Variants in SRP54 observed in about 807,000 individuals in gnomAD.
SRP54 encodes the protein signal recognition particle subunit SRP54.
SRP54 carries 10 observed loss-of-function variants against 64.8 expected under a neutral mutation model. That is an observed-to-expected ratio of 0.15 (90% CI 0.10 to 0.26). SRP54 has a LOEUF of 0.26. SRP54 is among the 10% of genes least tolerant of loss of function. SRP54 has a pLI of 1.00. For missense variants in SRP54, 325 were observed against 613.7 expected, an observed-to-expected ratio of 0.53 and a Z score of 4.97; for synonymous variants, 193 against 185.6, an observed-to-expected ratio of 1.04 and a Z score of -0.32.
intron 2 of SRP54, among the ~76,000 whole-genome samples, chr14:34,998,621 G>T (rs1166104518): frequency 6.6e-6 from 1 of 151,974 alleles, no homozygotes; most frequent in Admixed American, 6.6e-5. Flanking sequence ...AGACCAGCCT[G>T]GCCAACATAG....
At chr14:35,013,755 T>C in intron 9 of SRP54, 47 bp from the exon 10 acceptor site, 6 of 1,504,724 alleles carry the variant, frequency 4.0e-6, no homozygotes, top group Non-Finnish European at 5.5e-6. Context: ...TGCTGGAAAT[T>C]TGTGGGGTTC....
chr14:34,995,252 G>A lies in SRP54; in HGVS notation c.-33-1425G>A, dbSNP rs577344102. Reference sequence around the variant, plus strand: ...TTATTATAAGGAATTGGCTCAGGCCGTTATGGAGACTTAAGTTTCAAGATC... The same window carrying A: ...TTATTATAAGGAATTGGCTCAGGCCATTATGGAGACTTAAGTTTCAAGATC... On this transcript the variant is annotated intron_variant, in intron 1 of 15. Transcript: ENST00000216774. Among the ~76,000 whole-genome samples, 10 of 151,192 alleles carry A rather than the reference G, an allele frequency of 6.6e-5. No individual in the cohort carries two copies. In the East Asian group the frequency reaches 1.2e-3, roughly 18 times the overall value.
rs577827505 is a variant in SRP54 at position 34,983,731 on chromosome 14, T to C, written c.-34+516T>C. On this transcript the variant is annotated intron_variant, in intron 1 of 15. Coordinates refer to ENST00000216774, the MANE Select transcript of SRP54 (RefSeq NM_003136.4). ...TCCCCTGCTGCCTTTCTTCATGCTATCCTCACCTGATTCTTTCACATGCTT... is the reference window on the plus strand; with the variant it reads ...TCCCCTGCTGCCTTTCTTCATGCTACCCTCACCTGATTCTTTCACATGCTT... Among the ~76,000 whole-genome samples the C allele has an allele frequency of 2.6e-5, 4 of 152,360 alleles. No homozygotes were observed. In the East Asian group the frequency reaches 7.7e-4, roughly 29 times the overall value.
intron 10 of SRP54, among the ~76,000 whole-genome samples, 174 bp from the exon 11 acceptor site, chr14:35,014,570 G>T (rs1039190744): frequency 1.3e-5 from 2 of 152,086 alleles, no homozygotes; most frequent in Non-Finnish European, 2.9e-5. Context: ...ATGAGCCACC[G>T]CTCCTGGCCA....
At chr14:35,026,494 G>A (rs1319048950) in intron 14 of SRP54, among the ~76,000 whole-genome samples, 1 of 151,832 alleles carries the variant, frequency 6.6e-6, no homozygotes, top group East Asian at 1.9e-4. Flanking sequence ...TTCGCCACCT[G>A]AAGTGCTGGG....
intron 1 of SRP54, chr14:34,993,582 C>T (rs561293216): frequency 6.6e-6 from 1 of 152,088 alleles, no homozygotes; most frequent in African/African-American, 2.4e-5. Flanking sequence ...AGTGATAGGT[C>T]CTCAAATGCA....
intron 10 of SRP54, 147 bp downstream of exon 10, chr14:35,014,049 T>TGAG: frequency 4.8e-6 from 3 of 620,626 alleles, no homozygotes; most frequent in Non-Finnish European, 8.2e-6. Flanking sequence ...ATAGAGATAA[T>TGAG]GGTTATCTGC....
chr14:35,001,079 C>A, intron 4 of SRP54, 59 bp downstream of exon 4: 2 of 767,772 alleles, frequency 2.6e-6, no homozygotes, highest in Non-Finnish European at 4.0e-6. Flanking sequence ...AAAGCGTTAG[C>A]ACTACAAATA....
intron 1 of SRP54, among the ~76,000 whole-genome samples, chr14:34,993,788 C>T (rs1009167811): frequency 1.3e-5 from 2 of 151,548 alleles, no homozygotes; most frequent in South Asian, 4.2e-4. Context: ...CTCCACCTCC[C>T]GGGTTCAAGC....
At position 35,001,038 on chromosome 14, in the gene SRP54, T is replaced by A. The variant is rs1200835095; in HGVS notation, c.255+18T>A. 2.9e-6 allele frequency: 4 copies of A among 1,396,860 alleles called. No individual in the cohort carries two copies. The highest frequency in any genetic ancestry group is 4.0e-6 in the Non-Finnish European group (4 of 1,006,520). The allele number at this position is 1,396,860 out of a possible 1,614,324, so 86.5% of individuals were successfully genotyped here. On this transcript the variant is annotated intron_variant, in intron 4 of 15. Transcript: ENST00000216774. Reference sequence around the variant, plus strand: ...TTGTGAAGGTAAAAGTATATGAAGATTATGCTGTGATTCTATACTCAGTGG... The same window carrying A: ...TTGTGAAGGTAAAAGTATATGAAGAATATGCTGTGATTCTATACTCAGTGG...
intron 1 of SRP54, among the ~76,000 whole-genome samples, chr14:34,995,134 GGTGTGTGTGTGTGTGTGT>G (rs35829734): frequency 1.6e-4 from 11 of 70,330 alleles, no homozygotes; most frequent in South Asian, 5.5e-4. Flanking sequence ...ATCAATAAAG[GGTGTGTGTGTGTGTGTGT>G]GTGTGTGTGT....
At chr14:34,997,146 C>T (rs554634098) in intron 2 of SRP54, among the ~76,000 whole-genome samples, 1 of 152,260 alleles carries the variant, frequency 6.6e-6, no homozygotes, top group African/African-American at 2.4e-5. Flanking sequence ...TTCTTCTTGG[C>T]TAGGCCTGTG....
chr14:35,016,440 A>G (rs1012127939), intron 11 of SRP54, among the ~76,000 whole-genome samples: 1 of 152,138 alleles, frequency 6.6e-6, no homozygotes, highest in African/African-American at 2.4e-5. Flanking sequence ...TCAAATGTAC[A>G]TTCCTGTCTC....
intron 1 of SRP54, among the ~76,000 whole-genome samples, chr14:34,988,095 T>C (rs2043925508): frequency 1.3e-5 from 2 of 152,196 alleles, no homozygotes; most frequent in African/African-American, 2.4e-5. Context: ...AGGGGAATTA[T>C]ATTTTCTACC....
intron 13 of SRP54, among the ~76,000 whole-genome samples, chr14:35,021,727 A>G (rs563455643): frequency 2.0e-4 from 30 of 152,368 alleles, no homozygotes; most frequent in Non-Finnish European, 3.8e-4. Flanking sequence ...ATGGATTTCA[A>G]TTTAATATGT....
chr14:35,011,381 T>C lies in SRP54; in HGVS notation c.486-128T>C, dbSNP rs2044355292. The C allele has an allele frequency of 5.1e-6, 3 of 591,228 alleles. No individual in the cohort carries two copies. In the African/African-American group the frequency reaches 5.6e-5, roughly 11 times the overall value. The allele number at this position is 591,228 out of a possible 1,614,324, so 36.6% of individuals were successfully genotyped here. On this transcript the variant is annotated intron_variant, in intron 7 of 15. Transcript: ENST00000216774. ...TCTGTATTTAATACTTTATAGATTT[T>C]CCTCTTCTAAATTGAAATTGGGGTC...
intron 1 of SRP54, among the ~76,000 whole-genome samples, chr14:34,991,558 A>G (rs1385206320): frequency 6.6e-6 from 1 of 151,858 alleles, no homozygotes; most frequent in Non-Finnish European, 1.5e-5. Flanking sequence ...TGATTAGGGA[A>G]GACCTCATTG....
chr14:34,994,018 G>T (rs1005387221), intron 1 of SRP54, among the ~76,000 whole-genome samples: 3 of 149,896 alleles, frequency 2.0e-5, no homozygotes, highest in Non-Finnish European at 3.0e-5. Flanking sequence ...TTTTAATACG[G>T]ACTTTCTCTC....
In SRP54 at chr14:35,011,582, A is replaced by C. The variant is rs763467987; in HGVS notation, c.559A>C (p.Ile187Leu). 6 of 1,588,098 alleles carry C rather than the reference A, an allele frequency of 3.8e-6. No homozygotes were observed. The highest frequency in any genetic ancestry group is 5.2e-6 in the Non-Finnish European group (6 of 1,163,890). Residue 187 changes from isoleucine (I) to leucine (L), a missense_variant, in exon 8 of 16, where the codon ATT (isoleucine) becomes CTT (leucine). This residue lies in a region of SRP54 where 156 missense variants were observed against 254.6 expected (regional missense o/e 0.61). Coordinates refer to ENST00000216774, the MANE Select transcript of SRP54 (RefSeq NM_003136.4). The part of the protein sequence containing the change: ...EKFKNENFEI[I>L]IVDTSGRHKQ... The stretch of plus-strand genomic sequence containing the variant: ...ATTTAAAAATGAAAATTTTGAAATT[A>C]TTATTGTTGATACAAGTGGCCGCCA...
Sources: gnomAD v4.1 joint callset for allele counts (sites outside exome capture counted in the v4.1 genomes callset) on GRCh38, gnomAD v4.1.1 for gene constraint, gnomAD v4.1.1 regional missense constraint, MANE v1.5 for transcripts, NCBI Gene and HGNC (gene_info 2026-07-23, HGNC 2026-07-21) for gene names.